The following JARID2 variants were observed in gnomAD, a reference collection of about 807,000 sequenced individuals.
JARID2 encodes protein Jumonji.
A neutral mutation model predicts 125.6 loss-of-function variants in JARID2; 21 were observed. That is an observed-to-expected ratio of 0.17 (90% CI 0.12 to 0.24). JARID2 has a LOEUF of 0.24. Among genes scored for constraint, JARID2 ranks in the 10% least tolerant of loss-of-function variants. JARID2 has a pLI of 1.00. For synonymous variants in JARID2, 736 were observed against 661.6 expected (o/e 1.11, Z -1.73); for missense variants, 1,303 against 1,639.6 (o/e 0.79, Z 3.55).
intron 3 of JARID2, among the ~76,000 whole-genome samples, chr6:15,425,096 T>A (rs1469342364): frequency 6.6e-6 from 1 of 152,176 alleles, no homozygotes; most frequent in Non-Finnish European, 1.5e-5. Flanking sequence ...TAATACAGAC[T>A]CAGTAAATGA....
chr6:15,338,193 C>G (rs987142296), intron 1 of JARID2, among the ~76,000 whole-genome samples: 1 of 152,168 alleles, frequency 6.6e-6, no homozygotes, highest in Non-Finnish European at 1.5e-5. Flanking sequence ...AAGGAGGCCA[C>G]TCGCTTTCTC....
At chr6:15,412,853 G>C (rs1287494520) in intron 3 of JARID2, among the ~76,000 whole-genome samples, 2 of 152,072 alleles carry the variant, frequency 1.3e-5, no homozygotes, top group Non-Finnish European at 1.5e-5. Context: ...GTAATGGAAT[G>C]TGCTGACTCT....
intron 3 of JARID2, among the ~76,000 whole-genome samples, chr6:15,431,014 G>T (rs1766944590): frequency 6.6e-6 from 1 of 152,180 alleles, no homozygotes; most frequent in Non-Finnish European, 1.5e-5. Flanking sequence ...TTGGTACCGT[G>T]CAGGGCTGTA....
intron 17 of JARID2, among the ~76,000 whole-genome samples, chr6:15,518,113 C>T (rs553154641): frequency 1.3e-5 from 2 of 152,376 alleles, no homozygotes; most frequent in South Asian, 4.1e-4. Flanking sequence ...AGGCAGTAAG[C>T]ACCTGCTGTG....
chr6:15,357,596 AT>A (rs560143812), intron 1 of JARID2, among the ~76,000 whole-genome samples: 13 of 150,666 alleles, frequency 8.6e-5, no homozygotes, highest in East Asian at 3.9e-4. Flanking sequence ...TTATTTATTG[AT>A]TTTTTTTTTA....
intron 3 of JARID2, among the ~76,000 whole-genome samples, chr6:15,430,985 T>C (rs945660720): frequency 6.6e-6 from 1 of 152,346 alleles, no homozygotes; most frequent in East Asian, 1.9e-4. Flanking sequence ...TTGCATTCAC[T>C]GTGACAGCCT....
intron 1 of JARID2, among the ~76,000 whole-genome samples, chr6:15,317,461 A>G (rs766404893): frequency 2.0e-5 from 3 of 152,164 alleles, no homozygotes; most frequent in Non-Finnish European, 2.9e-5. Flanking sequence ...TTGTGGTAAG[A>G]GTAATTTCCC....
At chr6:15,470,868 G>T (rs1427021085) in intron 5 of JARID2, among the ~76,000 whole-genome samples, 1 of 152,220 alleles carries the variant, frequency 6.6e-6, no homozygotes, top group Non-Finnish European at 1.5e-5. Context: ...TGTTCCACCA[G>T]TGTGGAGGTC....
At chr6:15,392,077 T>TGTGTGC (rs1491286317) in intron 2 of JARID2, among the ~76,000 whole-genome samples, 6 of 41,464 alleles carry the variant, frequency 1.4e-4, no homozygotes, top group African/African-American at 5.4e-4. Context: ...TGTGTGTGTG[T>TGTGTGC]GCGTGTCTGG....
At chr6:15,277,219 C>T (rs998772997) in intron 1 of JARID2, among the ~76,000 whole-genome samples, 4 of 152,098 alleles carry the variant, frequency 2.6e-5, no homozygotes, top group East Asian at 1.9e-4. Flanking sequence ...TGAAGTAGCA[C>T]GCAGTGTGGG....
intron 1 of JARID2, among the ~76,000 whole-genome samples, chr6:15,308,773 T>C (rs1166642024): frequency 2.0e-5 from 3 of 152,260 alleles, no homozygotes; most frequent in African/African-American, 7.2e-5. Context: ...GAATCTGCAG[T>C]TTGATCCACC....
At chr6:15,328,280 C>T (rs1381389219) in intron 1 of JARID2, among the ~76,000 whole-genome samples, 2 of 152,142 alleles carry the variant, frequency 1.3e-5, no homozygotes, top group Admixed American at 6.5e-5. Flanking sequence ...TCTCCAAATT[C>T]TCCAAAACAT....
At chr6:15,319,801 T>TG (rs1315960676) in intron 1 of JARID2, among the ~76,000 whole-genome samples, 1 of 152,190 alleles carries the variant, frequency 6.6e-6, no homozygotes, top group Non-Finnish European at 1.5e-5. Flanking sequence ...ACCTAATCAA[T>TG]GGTTGCAGAT....
intron 3 of JARID2, among the ~76,000 whole-genome samples, chr6:15,450,877 G>C (rs181442616): frequency 6.6e-6 from 1 of 152,368 alleles, no homozygotes; most frequent in Non-Finnish European, 1.5e-5. Context: ...GCTGGGTGTG[G>C]TGGCTCACGC....
intron 4 of JARID2, among the ~76,000 whole-genome samples, chr6:15,459,292 T>C (rs1184309857): frequency 2.0e-5 from 3 of 152,212 alleles, no homozygotes; most frequent in African/African-American, 7.2e-5. Context: ...TTATGTAACA[T>C]GGCACATGGT....
intron 5 of JARID2, 136 bp downstream of exon 5, chr6:15,468,854 G>T (rs1581606988): frequency 5.2e-6 from 4 of 771,788 alleles, no homozygotes; most frequent in Non-Finnish European, 8.2e-6. Flanking sequence ...ACACTTCATG[G>T]GCAAAGGGAT....
chr6:15,277,828 G>C (rs1760592139), intron 1 of JARID2, among the ~76,000 whole-genome samples: 1 of 150,290 alleles, frequency 6.7e-6, no homozygotes, highest in South Asian at 2.1e-4. Flanking sequence ...CAAAAGGCAA[G>C]TTCAAGAGAA....
chr6:15,268,379 G>A (rs1581346569), intron 1 of JARID2, among the ~76,000 whole-genome samples: 1 of 152,346 alleles, frequency 6.6e-6, no homozygotes, highest in Non-Finnish European at 1.5e-5. Context: ...ACTTCATTTA[G>A]TCAGAGGGAA....
chr6:15,366,545 A>C, intron 1 of JARID2, among the ~76,000 whole-genome samples: 1 of 146,622 alleles, frequency 6.8e-6, no homozygotes, highest in Non-Finnish European at 1.5e-5. Context: ...GGGGTTGGCA[A>C]CTCCAATTGC....
Sources: gnomAD v4.1 joint callset for allele counts (sites outside exome capture counted in the v4.1 genomes callset) on GRCh38, gnomAD v4.1.1 for gene constraint, MANE v1.5 for transcripts, NCBI Gene and HGNC (gene_info 2026-07-23, HGNC 2026-07-21) for gene names.